Variants in IL1RAPL2 observed in about 807,000 individuals in gnomAD.
IL1RAPL2 encodes the protein interleukin 1 receptor accessory protein like 2, also known as X-linked interleukin-1 receptor accessory protein-like 2.
IL1RAPL2 carries 3 observed loss-of-function variants against 44.1 expected under a neutral mutation model. The ratio of observed to expected loss-of-function variants is 0.07; its 90% CI spans 0.03 to 0.18. The LOEUF (loss-of-function observed/expected upper bound fraction) is 0.18. Among genes scored for constraint, IL1RAPL2 ranks in the 10% least tolerant of loss-of-function variants. The probability of loss-of-function intolerance (pLI) is 1.00; values close to 1 mark genes in which losing one functional copy is unlikely to be tolerated. For synonymous variants in IL1RAPL2, 181 were observed against 178.8 expected (o/e 1.01, Z -0.10); for missense variants, 391 against 496.4 (o/e 0.79, Z 2.02).
At chrX:105,496,018 C>G (rs1403248533) in intron 6 of IL1RAPL2, among the ~76,000 whole-genome samples, 1 of 112,052 alleles carries the variant, frequency 8.9e-6, no homozygotes, top group African/African-American at 3.2e-5. Flanking sequence ...ACAATCTATT[C>G]TCTCTGAAGC....
chrX:105,133,738 G>T (rs894919829), intron 2 of IL1RAPL2, among the ~76,000 whole-genome samples: 2 of 110,964 alleles, frequency 1.8e-5, no homozygotes, highest in Non-Finnish European at 3.8e-5. Context: ...CATATATGGG[G>T]ACTTCTATGT....
At chrX:105,250,901 G>T (rs2034263405) in intron 4 of IL1RAPL2, among the ~76,000 whole-genome samples, 1 of 110,723 alleles carries the variant, frequency 9.0e-6, no homozygotes, top group Non-Finnish European at 1.9e-5. Flanking sequence ...AGAGAATCCA[G>T]AAACAGATAA....
chrX:104,863,743 A>G (rs1466251326), intron 2 of IL1RAPL2, among the ~76,000 whole-genome samples: 4 of 112,206 alleles, frequency 3.6e-5, no homozygotes, highest in South Asian at 7.4e-4. Context: ...TTCAAGGACT[A>G]AGACATAGCT....
intron 1 of IL1RAPL2, among the ~76,000 whole-genome samples, chrX:104,641,854 G>A (rs1929940295): frequency 9.0e-6 from 1 of 111,567 alleles, no homozygotes; most frequent in South Asian, 3.8e-4. Flanking sequence ...TTGGGCTCCA[G>A]GACTGTGTTC....
chrX:104,802,815 T>TTA (rs1932894377), intron 2 of IL1RAPL2, among the ~76,000 whole-genome samples: 2 of 111,334 alleles, frequency 1.8e-5, no homozygotes, highest in African/African-American at 6.5e-5. Flanking sequence ...TCCTCTAGAA[T>TTA]ATCAATCCCT....
In IL1RAPL2 at chrX:104,566,331, G is replaced by A. The variant is rs1421175273; in HGVS notation, c.-740G>A. ...TGGCAGGATGTGAGGCGAGCCTGGA[G>A]CTCATTTCCAGGCGCCCTTCCCTCT... On this transcript the variant is annotated 5_prime_UTR_variant, in exon 1 of 11. Coordinates refer to ENST00000372582, the MANE Select transcript of IL1RAPL2 (RefSeq NM_017416.2). 1.8e-5 allele frequency: 2 copies of A among 112,990 alleles called. No homozygotes were observed. Among genetic ancestry groups the A allele is most frequent in the Non-Finnish European group, 3.7e-5 (2 of 53,383 alleles). The allele number at this position is 112,990 out of a possible 1,213,427, so 9.3% of individuals were successfully genotyped here.
At chrX:104,846,063 A>C (rs1396594433) in intron 2 of IL1RAPL2, among the ~76,000 whole-genome samples, 1 of 111,815 alleles carries the variant, frequency 8.9e-6, no homozygotes, top group African/African-American at 3.3e-5. Context: ...TATTATCTCA[A>C]AGTATTGGGC....
At chrX:104,805,717 A>G (rs764691591) in intron 2 of IL1RAPL2, among the ~76,000 whole-genome samples, 3 of 112,182 alleles carry the variant, frequency 2.7e-5, no homozygotes, top group Non-Finnish European at 5.6e-5. Flanking sequence ...AATAATCACA[A>G]CAGTTAACAT....
At chrX:105,590,009 C>T (rs1196028840) in intron 6 of IL1RAPL2, among the ~76,000 whole-genome samples, 2 of 111,635 alleles carry the variant, frequency 1.8e-5, no homozygotes, top group Non-Finnish European at 3.8e-5. Context: ...TATCCATGAG[C>T]GTGGGATGTT....
intron 2 of IL1RAPL2, among the ~76,000 whole-genome samples, chrX:104,893,290 G>T (rs765251122): frequency 8.9e-5 from 10 of 112,040 alleles, no homozygotes; most frequent in Non-Finnish European, 1.1e-4. Flanking sequence ...GGAGAGTTCT[G>T]TAGATGTCTA....
At chrX:105,434,449 G>A (rs2035867721) in intron 5 of IL1RAPL2, among the ~76,000 whole-genome samples, 1 of 112,333 alleles carries the variant, frequency 8.9e-6, no homozygotes, top group Non-Finnish European at 1.9e-5. Flanking sequence ...ACTGGGAACA[G>A]ACTAAATGCT....
chrX:104,847,272 C>A (rs767846707), intron 2 of IL1RAPL2, among the ~76,000 whole-genome samples: 1 of 111,759 alleles, frequency 8.9e-6, no homozygotes, highest in East Asian at 2.8e-4. Context: ...CTTGCCCATG[C>A]CTATGTCCTG....
At chrX:104,812,563 C>T (rs187548170) in intron 2 of IL1RAPL2, among the ~76,000 whole-genome samples, 1 of 111,264 alleles carries the variant, frequency 9.0e-6, no homozygotes, top group Non-Finnish European at 1.9e-5. Flanking sequence ...CAGCACTTAT[C>T]TCACTACATC....
At chrX:104,909,097 T>C (rs1291559752) in intron 2 of IL1RAPL2, among the ~76,000 whole-genome samples, 1 of 111,912 alleles carries the variant, frequency 8.9e-6, no homozygotes, top group East Asian at 2.8e-4. Flanking sequence ...ATTCATTTCG[T>C]CTTCCATCAC....
chrX:105,713,201 A>C (rs1033402627), intron 6 of IL1RAPL2, among the ~76,000 whole-genome samples: 13 of 111,613 alleles, frequency 1.2e-4, no homozygotes, highest in African/African-American at 4.2e-4. Flanking sequence ...CTCTTCTCAC[A>C]GATCCGCTAG....
intron 5 of IL1RAPL2, among the ~76,000 whole-genome samples, chrX:105,468,689 G>A (rs1276789992): frequency 1.8e-5 from 2 of 111,587 alleles, no homozygotes; most frequent in Non-Finnish European, 3.8e-5. Context: ...AGGACTTTGG[G>A]CAGCCAGCAG....
intron 6 of IL1RAPL2, among the ~76,000 whole-genome samples, chrX:105,712,994 T>G (rs1340163506): frequency 8.9e-6 from 1 of 112,167 alleles, no homozygotes; most frequent in Admixed American, 9.4e-5. Context: ...CTCCTTTGAC[T>G]CCATGTCTCA....
intron 2 of IL1RAPL2, among the ~76,000 whole-genome samples, chrX:104,928,304 A>C (rs2147695520): frequency 8.9e-6 from 1 of 111,969 alleles, no homozygotes; most frequent in African/African-American, 3.2e-5. Flanking sequence ...TAGATTCATT[A>C]TAGATATTAG....
intron 5 of IL1RAPL2, among the ~76,000 whole-genome samples, chrX:105,438,131 T>C (rs146565867): frequency 1.6e-4 from 18 of 111,841 alleles, no homozygotes; most frequent in African/African-American, 5.5e-4. Flanking sequence ...ATCCAGTCAT[T>C]CTAGGCCCTG....
Sources: gnomAD v4.1 joint callset for allele counts (sites outside exome capture counted in the v4.1 genomes callset) on GRCh38, gnomAD v4.1.1 for gene constraint, MANE v1.5 for transcripts, NCBI Gene and HGNC (gene_info 2026-07-23, HGNC 2026-07-21) for gene names.